Variants in ARHGAP24 observed in about 807,000 individuals in gnomAD.
ARHGAP24 encodes Rho GTPase activating protein 24, also known as rho GTPase-activating protein 24.
Under a neutral mutation model 76.4 loss-of-function variants are expected in ARHGAP24, and 50 were observed. That is an observed-to-expected ratio of 0.65 (90% CI 0.52 to 0.83). ARHGAP24 has a LOEUF of 0.83. Ranked by LOEUF, ARHGAP24 falls within the 40% of genes least tolerant of loss-of-function variation. ARHGAP24 has a pLI of 0.00. For missense variants in ARHGAP24, 930 were observed against 914.2 expected, an observed-to-expected ratio of 1.02 and a Z score of -0.22; for synonymous variants, 345 against 323.3, an observed-to-expected ratio of 1.07 and a Z score of -0.72.
At chr4:85,562,000 G>T (rs185990865) in intron 1 of ARHGAP24, among the ~76,000 whole-genome samples, 13 of 152,288 alleles carry the variant, frequency 8.5e-5, no homozygotes, top group African/African-American at 2.9e-4. Flanking sequence ...TTTGAACTGA[G>T]AATTGAACTG....
At chr4:85,920,758 A>G (rs763010423) in intron 3 of ARHGAP24, among the ~76,000 whole-genome samples, 19 of 152,258 alleles carry the variant, frequency 1.2e-4, no homozygotes, top group Admixed American at 2.6e-4. Flanking sequence ...GTGGCAAACA[A>G]TCATATGAAA....
chr4:85,703,097 A>G (rs1417542930), intron 2 of ARHGAP24, among the ~76,000 whole-genome samples: 1 of 152,168 alleles, frequency 6.6e-6, no homozygotes, highest in Non-Finnish European at 1.5e-5. Flanking sequence ...CAACTGGGTC[A>G]TTGTTGATAA....
intron 3 of ARHGAP24, among the ~76,000 whole-genome samples, chr4:85,774,541 A>AAATCTTGACAGAT (rs1727239492): frequency 6.6e-6 from 1 of 152,230 alleles, no homozygotes; most frequent in Non-Finnish European, 1.5e-5. Flanking sequence ...CATTCAGGAA[A>AAATCTTGACAGAT]TGAAAGAGAT....
At chr4:85,601,379 T>C (rs1720023090) in intron 2 of ARHGAP24, among the ~76,000 whole-genome samples, 1 of 152,210 alleles carries the variant, frequency 6.6e-6, no homozygotes, top group South Asian at 2.1e-4. Context: ...TTCCTGGTAT[T>C]ATATGCAACA....
At chr4:85,676,699 G>A (rs562093025) in intron 2 of ARHGAP24, among the ~76,000 whole-genome samples, 1 of 152,106 alleles carries the variant, frequency 6.6e-6, no homozygotes, top group Admixed American at 6.6e-5. Context: ...CAAGGAAAAG[G>A]GTTATGAAAA....
intron 3 of ARHGAP24, among the ~76,000 whole-genome samples, chr4:85,771,849 A>G (rs1284485973): frequency 6.6e-6 from 1 of 152,100 alleles, no homozygotes; most frequent in Non-Finnish European, 1.5e-5. Context: ...ATGTGGGACT[A>G]CGGGTGCGCA....
chr4:85,528,048 C>T (rs951224946), intron 1 of ARHGAP24, among the ~76,000 whole-genome samples: 1 of 152,130 alleles, frequency 6.6e-6, no homozygotes. Flanking sequence ...GTGAGTGCTA[C>T]AATAGCAGTG....
chr4:85,529,471 C>G (rs1725165209), intron 1 of ARHGAP24, among the ~76,000 whole-genome samples: 1 of 152,004 alleles, frequency 6.6e-6, no homozygotes, highest in African/African-American at 2.4e-5. Context: ...GCCAGAAATT[C>G]TTTGCATCAG....
intron 3 of ARHGAP24, among the ~76,000 whole-genome samples, chr4:85,791,812 C>T (rs1305353245): frequency 2.6e-5 from 4 of 152,034 alleles, no homozygotes; most frequent in Non-Finnish European, 4.4e-5. Context: ...AGTACAAATG[C>T]GGACATGGAG....
intron 2 of ARHGAP24, among the ~76,000 whole-genome samples, chr4:85,709,211 C>A (rs1238352529): frequency 2.6e-5 from 4 of 152,082 alleles, no homozygotes; most frequent in Admixed American, 1.3e-4. Flanking sequence ...CATGATCTCA[C>A]CTAGATGCAA....
intron 2 of ARHGAP24, among the ~76,000 whole-genome samples, chr4:85,655,782 T>G (rs1293961886): frequency 6.2e-4 from 19 of 30,588 alleles, no homozygotes; most frequent in African/African-American, 2.7e-3. Flanking sequence ...TATATATATA[T>G]ATATATATAT....
At chr4:85,923,154 A>G (rs1444324267) in intron 3 of ARHGAP24, among the ~76,000 whole-genome samples, 1 of 151,960 alleles carries the variant, frequency 6.6e-6, no homozygotes, top group Non-Finnish European at 1.5e-5. Context: ...GGTCAAAGGC[A>G]TTGCATGTGG....
At chr4:85,488,202 G>A (rs1396060376) in intron 1 of ARHGAP24, among the ~76,000 whole-genome samples, 1 of 151,826 alleles carries the variant, frequency 6.6e-6, no homozygotes, top group African/African-American at 2.4e-5. Flanking sequence ...TTCCACGAAA[G>A]AAATTCCTGC....
intron 4 of ARHGAP24, among the ~76,000 whole-genome samples, chr4:85,931,307 T>C (rs1736318631): frequency 6.6e-6 from 1 of 152,046 alleles, no homozygotes; most frequent in Non-Finnish European, 1.5e-5. Flanking sequence ...GACAGGGGAC[T>C]AAGTAAGCTG....
At chr4:85,930,181 G>T (rs115899323) in intron 4 of ARHGAP24, 1 of 902,056 alleles carries the variant, frequency 1.1e-6, no homozygotes, top group African/African-American at 1.8e-5. Context: ...GGAGGAGGGG[G>T]AGGAGATGCT....
chr4:85,746,276 T>G (rs1726030791), intron 3 of ARHGAP24, among the ~76,000 whole-genome samples: 1 of 152,216 alleles, frequency 6.6e-6, no homozygotes. Flanking sequence ...AAGAATCATT[T>G]AGTGTTGCAA....
intron 2 of ARHGAP24, among the ~76,000 whole-genome samples, chr4:85,670,538 C>T (rs1352046674): frequency 2.0e-5 from 3 of 152,156 alleles, no homozygotes; most frequent in Admixed American, 6.5e-5. Context: ...TTTCTGTCCT[C>T]TGTCTTCTCT....
At chr4:85,513,362 A>G (rs1724357323) in intron 1 of ARHGAP24, among the ~76,000 whole-genome samples, 1 of 152,186 alleles carries the variant, frequency 6.6e-6, no homozygotes, top group African/African-American at 2.4e-5. Context: ...ATGTTTGTCC[A>G]CATGGGGATT....
chr4:85,876,307 T>G (rs1341489682), intron 3 of ARHGAP24, among the ~76,000 whole-genome samples: 1 of 152,214 alleles, frequency 6.6e-6, no homozygotes, highest in Non-Finnish European at 1.5e-5. Flanking sequence ...CCTAATGGGA[T>G]TCGCTTGTGC....
Sources: allele counts gnomAD v4.1 joint callset (sites outside exome capture counted in the v4.1 genomes callset), GRCh38; gene constraint gnomAD v4.1.1; transcripts MANE v1.5; gene names NCBI Gene and HGNC (gene_info 2026-07-23, HGNC 2026-07-21).